FER: variants seen among roughly 807,000 people sequenced by gnomAD.
FER encodes tyrosine-protein kinase Fer.
FER carries 63 observed loss-of-function variants against 111.0 expected under a neutral mutation model. That is an observed-to-expected ratio of 0.57 (90% CI 0.46 to 0.70). FER has a LOEUF of 0.70. FER is among the 30% of genes least tolerant of loss of function. The pLI is 0.00. For missense variants in FER, 914 were observed against 954.0 expected (o/e 0.96, Z 0.55); for synonymous variants, 327 against 313.9 (o/e 1.04, Z -0.44).
chr5:109,149,379 T>G (rs1056434282), intron 17 of FER, among the ~76,000 whole-genome samples: 1 of 152,204 alleles, frequency 6.6e-6, no homozygotes, highest in Non-Finnish European at 1.5e-5. Flanking sequence ...GCGCCTACAG[T>G]CTGATCCCTT....
intron 14 of FER, among the ~76,000 whole-genome samples, chr5:109,044,131 A>C (rs1327770465): frequency 1.3e-5 from 2 of 152,036 alleles, no homozygotes; most frequent in African/African-American, 4.8e-5. Context: ...ATTTTAAAAA[A>C]TAGATTTCAA....
chr5:108,930,920 A>G, intron 10 of FER, among the ~76,000 whole-genome samples: 1 of 151,994 alleles, frequency 6.6e-6, no homozygotes, highest in East Asian at 2.0e-4. Flanking sequence ...GGCCCAACTC[A>G]TTAGTTCTAT....
At chr5:109,020,195 C>A (rs1366340872) in intron 13 of FER, among the ~76,000 whole-genome samples, 2 of 151,888 alleles carry the variant, frequency 1.3e-5, no homozygotes, top group Non-Finnish European at 1.5e-5. Context: ...TTTCCAATTT[C>A]CTGCATTTGG....
chr5:109,138,055 C>T (rs756888885), intron 17 of FER, among the ~76,000 whole-genome samples: 7 of 152,150 alleles, frequency 4.6e-5, no homozygotes, highest in Middle Eastern at 3.4e-3. Context: ...TCTGTCATAT[C>T]GGAACTAAAG....
At chr5:109,045,978 CT>C (rs1771914447) in intron 15 of FER, among the ~76,000 whole-genome samples, 1 of 152,202 alleles carries the variant, frequency 6.6e-6, no homozygotes, top group Non-Finnish European at 1.5e-5. Flanking sequence ...CAAGTTGTTT[CT>C]TTTTTTACGT....
chr5:108,778,620 G>A (rs7714960), intron 2 of FER, among the ~76,000 whole-genome samples: 5 of 152,046 alleles, frequency 3.3e-5, no homozygotes, highest in Admixed American at 6.6e-5. Context: ...TTTTCTGTCC[G>A]TGTATATTAT....
intron 10 of FER, among the ~76,000 whole-genome samples, chr5:108,910,305 G>A (rs1751363045): frequency 6.6e-6 from 1 of 152,032 alleles, no homozygotes; most frequent in African/African-American, 2.4e-5. Context: ...CTCTACTCTA[G>A]CCAAAGTTAT....
chr5:108,977,354 T>C (rs528166477), intron 13 of FER, among the ~76,000 whole-genome samples: 3 of 152,340 alleles, frequency 2.0e-5, no homozygotes, highest in East Asian at 1.9e-4. Flanking sequence ...ATGTATTTTA[T>C]GGATTCATGA....
At chr5:108,855,574 T>C (rs1762923328) in intron 5 of FER, among the ~76,000 whole-genome samples, 1 of 137,444 alleles carries the variant, frequency 7.3e-6, no homozygotes. Flanking sequence ...TGAGCCAAGA[T>C]CGCGCCACTG....
chr5:108,820,914 C>T (rs1758773262), intron 3 of FER, among the ~76,000 whole-genome samples: 2 of 152,116 alleles, frequency 1.3e-5, no homozygotes, highest in Admixed American at 1.3e-4. Context: ...TCACTTGGGA[C>T]CAGCCTGGCC....
chr5:108,914,733 A>G (rs577169187), intron 10 of FER, among the ~76,000 whole-genome samples: 83 of 152,320 alleles, frequency 5.4e-4, no homozygotes, highest in Non-Finnish European at 9.7e-4. Flanking sequence ...AGTGAGGGGC[A>G]TAGTGCTGGA....
At chr5:108,816,133 C>T (rs567818313) in intron 3 of FER, among the ~76,000 whole-genome samples, 5 of 151,602 alleles carry the variant, frequency 3.3e-5, no homozygotes, top group Non-Finnish European at 1.5e-5. Context: ...AAAAAAAAAA[C>T]CATGAGTTTG....
At chr5:109,161,319 G>T (rs539170701) in intron 17 of FER, among the ~76,000 whole-genome samples, 1 of 152,102 alleles carries the variant, frequency 6.6e-6, no homozygotes, top group East Asian at 1.9e-4. Flanking sequence ...TGGTAAACTT[G>T]TGTCATGGGG....
chr5:108,874,972 A>G (rs544632503), intron 8 of FER, among the ~76,000 whole-genome samples: 1 of 152,036 alleles, frequency 6.6e-6, no homozygotes, highest in Middle Eastern at 3.4e-3. Flanking sequence ...GGCAAATTAT[A>G]TTTGTGAAAC....
At chr5:108,998,201 A>C (rs999821836) in intron 13 of FER, among the ~76,000 whole-genome samples, 2 of 151,668 alleles carry the variant, frequency 1.3e-5, no homozygotes, top group South Asian at 2.1e-4. Context: ...AAAAAAAAAA[A>C]AAAACTCTTG....
intron 13 of FER, among the ~76,000 whole-genome samples, chr5:108,996,419 A>C (rs574382159): frequency 6.6e-6 from 1 of 152,168 alleles, no homozygotes; most frequent in African/African-American, 2.4e-5. Context: ...TATTTAATCC[A>C]TCTTGAGTTT....
intron 14 of FER, among the ~76,000 whole-genome samples, chr5:109,040,575 G>A (rs1017969050): frequency 1.3e-5 from 2 of 152,122 alleles, no homozygotes; most frequent in African/African-American, 4.8e-5. Context: ...GAATGCTTTA[G>A]GTGAAAGCCA....
At chr5:109,112,618 A>G in intron 17 of FER, among the ~76,000 whole-genome samples, 1 of 152,094 alleles carries the variant, frequency 6.6e-6, no homozygotes, top group East Asian at 1.9e-4. Flanking sequence ...CATTTTATTT[A>G]CTTGGAAGAA....
At chr5:109,175,570 C>A (rs1448794107) in intron 17 of FER, among the ~76,000 whole-genome samples, 1 of 152,132 alleles carries the variant, frequency 6.6e-6, no homozygotes, top group East Asian at 1.9e-4. Flanking sequence ...TTCAAAAGCT[C>A]AGGCAACTAA....
Sources: allele counts gnomAD v4.1 joint callset (sites outside exome capture counted in the v4.1 genomes callset), GRCh38; gene constraint gnomAD v4.1.1; transcripts MANE v1.5; gene names NCBI Gene and HGNC (gene_info 2026-07-23, HGNC 2026-07-21).